The following BRD1 variants were observed in gnomAD, a reference collection of about 807,000 sequenced individuals.
BRD1 encodes bromodomain-containing protein 1.
A neutral mutation model predicts 107.7 loss-of-function variants in BRD1; 24 were observed. That is an observed-to-expected ratio of 0.22 (90% CI 0.16 to 0.31). The LOEUF is 0.31. Among genes scored for constraint, BRD1 ranks in the 10% least tolerant of loss-of-function variants. The pLI, the probability that BRD1 is intolerant of heterozygous loss-of-function variation, is 1.00. For synonymous variants in BRD1, 744 were observed against 686.1 expected, an observed-to-expected ratio of 1.08 and a Z score of -1.32; for missense variants, 1,279 against 1,638.6, an observed-to-expected ratio of 0.78 and a Z score of 3.79.
intron 2 of BRD1, chr22:49,806,902 G>A (rs1384083879): frequency 1.3e-5 from 2 of 152,258 alleles, no homozygotes; most frequent in East Asian, 1.9e-4. Context: ...GGAGGCTGAG[G>A]TGGGAGAATC....
chr22:49,821,189 G>A (rs1225784719), intron 2 of BRD1, among the ~76,000 whole-genome samples: 1 of 152,204 alleles, frequency 6.6e-6, no homozygotes, highest in Non-Finnish European at 1.5e-5. Flanking sequence ...CAGAGAGCGT[G>A]CGGCCCGGCC....
At chr22:49,789,957 G>A (rs79655222) in intron 7 of BRD1, among the ~76,000 whole-genome samples, 10,567 of 152,224 alleles carry the variant, frequency 0.069, 445 homozygotes, top group South Asian at 0.14. Flanking sequence ...CCCAAAGCGG[G>A]CCCCTGTGGC....
intron 1 of BRD1, 47 bp downstream of exon 1, chr22:49,827,450 C>T (rs1270620875): frequency 6.9e-6 from 1 of 144,880 alleles, no homozygotes; most frequent in African/African-American, 2.5e-5. Flanking sequence ...CCGGGCGGCC[C>T]GCGAGGCGGC....
chr22:49,823,385 G>A lies in BRD1; in HGVS notation c.933C>T (p.Pro311=), dbSNP rs150876687. Residue 311 remains proline (P), a synonymous_variant, in exon 2 of 13, where the codon CCC becomes CCT. Transcript: ENST00000404760. The part of the protein sequence containing the change: ...VGFANTVFIE[P]IDGVRNIPPA... ...GAGGGATGTTCCTCACCCCATCGAT[G>A]GGCTCGATGAACACCGTGTTGGCAA... 45 of 1,613,768 alleles carry A rather than the reference G, an allele frequency of 2.8e-5. No homozygotes were observed. The Admixed American group carries it at 6.3e-4, about 23-fold the overall frequency.
intron 7 of BRD1, among the ~76,000 whole-genome samples, chr22:49,793,435 T>TTTC (rs1465916210): frequency 6.6e-6 from 1 of 152,196 alleles, no homozygotes; most frequent in African/African-American, 2.4e-5. Context: ...TGCCTGGACC[T>TTTC]TTCCCCAGAC....
At chr22:49,799,521 G>A (rs2059601533) in intron 3 of BRD1, among the ~76,000 whole-genome samples, 3 of 152,244 alleles carry the variant, frequency 2.0e-5, no homozygotes, top group African/African-American at 7.2e-5. Context: ...GGGAATGGAG[G>A]GAGCGGCTGG....
At chr22:49,827,314 CCCGGCCTCCCCGG>C (rs2060157017) in intron 1 of BRD1, among the ~76,000 whole-genome samples, 170 bp downstream of exon 1, 1 of 150,790 alleles carries the variant, frequency 6.6e-6, no homozygotes, top group South Asian at 2.1e-4. Flanking sequence ...GGTCTCCCCG[CCCGGCCTCCCCGG>C]CATCCCGGGC....
chr22:49,797,793 GC>G lies in BRD1; in HGVS notation c.2098+11del. The stretch of plus-strand genomic sequence containing the variant: ...GTCTTCCACCTCCTCCGGACACGGC[GC>G]CAGTTCTTACCGTCTTCCCAGGAGA... On this transcript the variant is annotated intron_variant, in intron 6 of 12. Transcript: ENST00000404760. 1 of 1,580,920 alleles carries G rather than the reference GC, an allele frequency of 6.3e-7. No homozygotes were observed. The highest frequency in any genetic ancestry group is 8.6e-7 in the Non-Finnish European group (1 of 1,165,282).
intron 8 of BRD1, among the ~76,000 whole-genome samples, chr22:49,778,576 C>CA (rs1449023813): frequency 6.6e-6 from 1 of 152,236 alleles, no homozygotes; most frequent in African/African-American, 2.4e-5. Flanking sequence ...CCAAGGCCCC[C>CA]CGATGAGGTC....
rs147768233 is a variant in BRD1 at position 49,804,264 on chromosome 22, G to C, written c.1464C>G (p.Asn488Lys). ...SYWLLKRLSR[N>K]GAPLLRRLQS... ...GCAGCCGCCGCAGCAGGGGGGCCCC[G>C]TTCCTGGACAGCCGCTTGAGCAGCC... Residue 488 changes from asparagine (N) to lysine (K), a missense_variant, in exon 3 of 13, where the codon AAC (asparagine) becomes AAG (lysine). Asn to Lys is a moderately conservative substitution (Grantham distance 94). Coordinates refer to ENST00000404760, the MANE Select transcript of BRD1 (RefSeq NM_001304808.3). 1 of 1,609,828 alleles carries C rather than the reference G, an allele frequency of 6.2e-7. No individual in the cohort carries two copies. Among genetic ancestry groups the C allele is most frequent in the Non-Finnish European group, 8.5e-7 (1 of 1,178,194 alleles).
intron 5 of BRD1, 31 bp downstream of exon 5, chr22:49,798,527 G>A (rs1297980984): frequency 1.3e-5 from 21 of 1,613,904 alleles, no homozygotes; most frequent in African/African-American, 2.7e-5. Flanking sequence ...TCACACATGC[G>A]GCAGGACAGA....
intron 7 of BRD1, among the ~76,000 whole-genome samples, chr22:49,790,127 G>A (rs1223581936): frequency 6.6e-6 from 1 of 152,208 alleles, no homozygotes; most frequent in Admixed American, 6.5e-5. Context: ...AGAGGTCGCT[G>A]TCGTCTGGGT....
At position 49,783,370 on chromosome 22, in the gene BRD1, A is replaced by T. The variant is rs1327613749; in HGVS notation, c.2857+4020T>A. Among the ~76,000 whole-genome samples the T allele has an allele frequency of 1.3e-5, 2 of 152,270 alleles. No homozygotes were observed. The highest frequency in any genetic ancestry group is 4.8e-5 in the African/African-American group (2 of 41,474). The stretch of plus-strand genomic sequence containing the variant: ...GGGGAAGTAAGGGGAGAAGGAAATC[A>T]GGTAGAAAACCCAGAAATACAGAAG... On this transcript the variant is annotated intron_variant, in intron 8 of 12. Coordinates refer to ENST00000404760, the MANE Select transcript of BRD1 (RefSeq NM_001304808.3). This position sits in a 1 kb window ranked among gnomAD's most constrained non-coding sequence, Gnocchi z 4.2.
intron 1 of BRD1, among the ~76,000 whole-genome samples, chr22:49,825,266 G>C (rs1318428028): frequency 6.6e-6 from 1 of 152,102 alleles, no homozygotes; most frequent in Non-Finnish European, 1.5e-5. Flanking sequence ...CTCCACTCAG[G>C]CTCCACAGCG....
intron 2 of BRD1, among the ~76,000 whole-genome samples, chr22:49,807,755 G>C (rs1194907532): frequency 6.6e-6 from 1 of 152,008 alleles, no homozygotes; most frequent in Non-Finnish European, 1.5e-5. Flanking sequence ...AAATAAACTG[G>C]GCTTCATGAA....
Position 49,819,904 on chromosome 22 carries a change from T to C in BRD1, c.1367+3047A>G, listed in dbSNP as rs964745505. On this transcript the variant is annotated intron_variant, in intron 2 of 12. Coordinates refer to ENST00000404760, the MANE Select transcript of BRD1 (RefSeq NM_001304808.3). Reference sequence around the variant, plus strand: ...CAGCACTTTGGGAGTTCGAGGCGGGTGGATCACCTGAGGTCAGCAGTTCAA... The same window carrying C: ...CAGCACTTTGGGAGTTCGAGGCGGGCGGATCACCTGAGGTCAGCAGTTCAA... 2.0e-5 allele frequency among the ~76,000 whole-genome samples: 3 copies of C among 151,320 alleles called. No homozygotes were observed. The South Asian group carries it at 6.3e-4, about 32-fold the overall frequency.
In BRD1 at chr22:49,822,995, G is replaced by A. The variant is rs559457171; in HGVS notation, c.1323C>T (p.Cys441=). The stretch of plus-strand genomic sequence containing the variant: ...GAGCGCACACGGTCGGCAGGACCGC[G>A]CAGGGCTCAGCCAGAGCTTTCTTAG... ...KKAKKALAEP[C]AVLPTVCAPY... is the part of the protein sequence containing the mutation. The change falls in exon 2 of 13, where the codon TGC becomes TGT. Residue 441 remains cysteine, a synonymous_variant. Transcript: ENST00000404760. 23 of 1,614,232 alleles carry A rather than the reference G, an allele frequency of 1.4e-5. No homozygotes were observed. Among genetic ancestry groups the A allele is most frequent in the African/African-American group, 9.3e-5 (7 of 75,062 alleles).
At position 49,815,894 on chromosome 22, in the gene BRD1, G is replaced by A. The variant is rs557017725; in HGVS notation, c.1367+7057C>T. 1.5e-3 allele frequency among the ~76,000 whole-genome samples: 221 copies of A among 152,286 alleles called. 1 individual carries two copies. The highest frequency in any genetic ancestry group is 2.7e-3 in the Non-Finnish European group (184 of 68,030). Reference sequence around the variant, plus strand: ...CCCGAGTGCCCGCCACTCCAGACCCGATGCAGGTCAAGCACAGGGAGCTGC... The same window carrying A: ...CCCGAGTGCCCGCCACTCCAGACCCAATGCAGGTCAAGCACAGGGAGCTGC... On this transcript the variant is annotated intron_variant, in intron 2 of 12. Coordinates refer to ENST00000404760, the MANE Select transcript of BRD1 (RefSeq NM_001304808.3).
At chr22:49,784,473 G>A (rs1293824632) in intron 8 of BRD1, among the ~76,000 whole-genome samples, 1 of 152,262 alleles carries the variant, frequency 6.6e-6, no homozygotes, top group African/African-American at 2.4e-5. Flanking sequence ...AGACTCTGGG[G>A]CTGGGCCATC....
Sources: allele counts gnomAD v4.1 joint callset (sites outside exome capture counted in the v4.1 genomes callset), GRCh38; gene constraint gnomAD v4.1.1; non-coding constraint Gnocchi (gnomAD v3.1); transcripts MANE v1.5; gene names NCBI Gene and HGNC (gene_info 2026-07-23, HGNC 2026-07-21).